USP8: variants seen among roughly 807,000 people sequenced by gnomAD.
USP8 encodes ubiquitin carboxyl-terminal hydrolase 8.
USP8 carries 27 observed loss-of-function variants against 130.0 expected under a neutral mutation model. That is an observed-to-expected ratio of 0.21 (90% CI 0.15 to 0.29). USP8 has a LOEUF of 0.29. Ranked by LOEUF, USP8 falls within the 10% of genes least tolerant of loss-of-function variation. USP8 has a pLI of 1.00. For missense variants in USP8, 1,029 were observed against 1,312.2 expected, an observed-to-expected ratio of 0.78 and a Z score of 3.33; for synonymous variants, 392 against 444.1, an observed-to-expected ratio of 0.88 and a Z score of 1.48.
chr15:50,499,764 A>ATGAG lies in USP8; in HGVS notation c.*677_*680dup, dbSNP rs1384970500. 3 of 152,148 alleles carry ATGAG rather than the reference A, an allele frequency of 2.0e-5. No homozygotes were observed. The highest frequency in any genetic ancestry group is 4.4e-5 in the Non-Finnish European group (3 of 68,022). The allele number at this position is 152,148 out of a possible 1,614,324, so 9.4% of individuals were successfully genotyped here. A position where few individuals can be genotyped will look rare whatever the true frequency, so the allele number is the denominator to read the frequency against. On this transcript the variant is annotated 3_prime_UTR_variant, in exon 20 of 20. Coordinates refer to ENST00000307179, the MANE Select transcript of USP8 (RefSeq NM_005154.5). ...CATTTACAGCTACATTAAAATCTTA[A>ATGAG]TGAGAAAAATAATTTATAACCCTGT... is the stretch of plus-strand genomic sequence containing the variant.
Position 50,500,625 on chromosome 15 carries a change from A to C in USP8, c.*1537A>C. The C allele has an allele frequency of 1.5e-6, 1 of 675,046 alleles. No homozygotes were observed. The highest frequency in any genetic ancestry group is 1.9e-5 in the South Asian group (1 of 52,340). 41.8% of individuals were successfully genotyped at this position (675,046 alleles called of 1,614,324 possible). ...ACCAGATGCTGACTGCTTGTTTTGC[A>C]GTGTTCAGGAAACACCATTTTCCTG... On this transcript the variant is annotated 3_prime_UTR_variant, in exon 20 of 20. Transcript: ENST00000307179.
At chr15:50,458,873 G>C in intron 4 of USP8, 127 bp from the exon 5 acceptor site, 2 of 1,097,150 alleles carry the variant, frequency 1.8e-6, no homozygotes, top group East Asian at 2.4e-5. Flanking sequence ...GTGAATTGTG[G>C]TGGAGGGAGA....
chr15:50,499,162 A>G lies in USP8; in HGVS notation c.*74A>G. ...AACTCTTGAAATGCTTATCAGGATAATGGTAGCTATAGCTGGCCATTTAGA... is the reference window on the plus strand; with the variant it reads ...AACTCTTGAAATGCTTATCAGGATAGTGGTAGCTATAGCTGGCCATTTAGA... On this transcript the variant is annotated 3_prime_UTR_variant, in exon 20 of 20. Coordinates refer to ENST00000307179, the MANE Select transcript of USP8 (RefSeq NM_005154.5). 7.0e-7 allele frequency: 1 copy of G among 1,430,380 alleles called. No individual in the cohort carries two copies. Among genetic ancestry groups the G allele is most frequent in the Non-Finnish European group, 9.3e-7 (1 of 1,070,344 alleles). The allele number at this position is 1,430,380 out of a possible 1,614,324, so 88.6% of individuals were successfully genotyped here. A position where few individuals can be genotyped will look rare whatever the true frequency, so the allele number is the denominator to read the frequency against.
At chr15:50,474,415 T>C (rs1479077890) in intron 8 of USP8, among the ~76,000 whole-genome samples, 1 of 152,192 alleles carries the variant, frequency 6.6e-6, no homozygotes, top group African/African-American at 2.4e-5. Flanking sequence ...AAAGTCGGTC[T>C]TAAAAGCCTT....
intron 3 of USP8, among the ~76,000 whole-genome samples, chr15:50,446,229 C>T (rs2050437660): frequency 6.6e-6 from 1 of 152,050 alleles, no homozygotes; most frequent in Non-Finnish European, 1.5e-5. Flanking sequence ...TTTCTTCTGT[C>T]AATTATCATA....
chr15:50,485,566 T>TTTTTTTTTTTTTTTTTTTTTTTTA, intron 12 of USP8, among the ~76,000 whole-genome samples: 1 of 135,042 alleles, frequency 7.4e-6, no homozygotes, highest in Non-Finnish European at 1.6e-5. Context: ...TTTTTTTTTT[T>TTTTTTTTTTTTTTTTTTTTTTTTA]TTTTTTTTTT....
intron 7 of USP8, among the ~76,000 whole-genome samples, chr15:50,468,470 T>A (rs2051268566): frequency 6.6e-6 from 1 of 152,032 alleles, no homozygotes; most frequent in African/African-American, 2.4e-5. Context: ...CTTGAACTCC[T>A]GGCCTCAAGT....
chr15:50,427,077 C>T (rs2049756821), intron 1 of USP8, among the ~76,000 whole-genome samples: 1 of 151,758 alleles, frequency 6.6e-6, no homozygotes, highest in Non-Finnish European at 1.5e-5. Context: ...CCTCAGCCTC[C>T]CGAGTAGCAT....
rs2052556015 is a variant in USP8 at position 50,500,133 on chromosome 15, T to TA, written c.*1046dup. On this transcript the variant is annotated 3_prime_UTR_variant, in exon 20 of 20. Coordinates refer to ENST00000307179, the MANE Select transcript of USP8 (RefSeq NM_005154.5). ...AAGTGCTTCAGAAAGAGACCACCAT[T>TA]AGCAGGCTCTCAGGGAGAAGATGAA... is the stretch of plus-strand genomic sequence containing the variant. 6.6e-6 allele frequency: 1 copy of TA among 152,202 alleles called. No individual in the cohort carries two copies. Among genetic ancestry groups the TA allele is most frequent in the Non-Finnish European group, 1.5e-5 (1 of 68,052 alleles). The allele number at this position is 152,202 out of a possible 1,614,324, so 9.4% of individuals were successfully genotyped here. A position where few individuals can be genotyped will look rare whatever the true frequency, so the allele number is the denominator to read the frequency against.
At chr15:50,468,431 C>G (rs945174337) in intron 7 of USP8, among the ~76,000 whole-genome samples, 18 of 151,400 alleles carry the variant, frequency 1.2e-4, no homozygotes, top group African/African-American at 4.4e-4. Flanking sequence ...TTAGTAGACA[C>G]AGGGTTTCAC....
chr15:50,497,480 T>C (rs1442659786), intron 18 of USP8: 4 of 328,322 alleles, frequency 1.2e-5, no homozygotes, highest in Non-Finnish European at 2.2e-5. Flanking sequence ...TTACAAAGCA[T>C]CAAGTGAAAA....
intron 6 of USP8, among the ~76,000 whole-genome samples, chr15:50,464,237 A>G (rs897360362): frequency 8.5e-5 from 13 of 152,322 alleles, no homozygotes; most frequent in African/African-American, 3.1e-4. Flanking sequence ...CCTCTGATGT[A>G]GAATAGCAAG....
At chr15:50,446,134 G>A (rs1243966642) in intron 3 of USP8, among the ~76,000 whole-genome samples, 3 of 152,108 alleles carry the variant, frequency 2.0e-5, no homozygotes, top group Non-Finnish European at 4.4e-5. Context: ...AAAGTTGTTT[G>A]AATTCATATA....
intron 13 of USP8, 115 bp from the exon 14 acceptor site, chr15:50,490,148 T>C (rs2052104521): frequency 8.5e-7 from 1 of 1,178,814 alleles, no homozygotes. Flanking sequence ...GCCATTTTAT[T>C]CGAATTATTT....
intron 17 of USP8, among the ~76,000 whole-genome samples, chr15:50,496,446 A>C (rs2052409890): frequency 6.8e-6 from 1 of 146,570 alleles, no homozygotes; most frequent in African/African-American, 2.6e-5. Context: ...TCGCCACTGC[A>C]CTCCAGCCTA....
At chr15:50,444,722 T>C (rs1266261639) in intron 3 of USP8, 1 of 152,200 alleles carries the variant, frequency 6.6e-6, no homozygotes, top group East Asian at 1.9e-4. Flanking sequence ...TCATTTGCTC[T>C]GTCCAGAGGA....
chr15:50,459,211 A>G lies in USP8; in HGVS notation c.498+49A>G, dbSNP rs117145855. The G allele has an allele frequency of 0.015, 23,605 of 1,559,370 alleles. 225 individuals carry two copies. The highest frequency in any genetic ancestry group is 0.017 in the Non-Finnish European group (20,225 of 1,157,234). ...TTAAAAGACTGTTTCTGCTTGTTAG[A>G]TGATTTGCTTAAAAAGAGTTGAGAT... On this transcript the variant is annotated intron_variant, in intron 5 of 19. Transcript: ENST00000307179.
chr15:50,430,427 A>G (rs1278297170), intron 1 of USP8, among the ~76,000 whole-genome samples: 1 of 152,082 alleles, frequency 6.6e-6, no homozygotes, highest in Non-Finnish European at 1.5e-5. Flanking sequence ...CCAATTAGAC[A>G]GGGTCTCCCT....
At chr15:50,460,024 T>C (rs2050934142) in intron 5 of USP8, among the ~76,000 whole-genome samples, 2 of 116,660 alleles carry the variant, frequency 1.7e-5, no homozygotes, top group South Asian at 3.3e-4. Context: ...TGAGACAGAG[T>C]CTCATTCTTG....
Sources: allele counts gnomAD v4.1 joint callset (sites outside exome capture counted in the v4.1 genomes callset), GRCh38; gene constraint gnomAD v4.1.1; transcripts MANE v1.5; gene names NCBI Gene and HGNC (gene_info 2026-07-23, HGNC 2026-07-21).